Variants in FGFR1 observed in about 807,000 individuals in gnomAD.
FGFR1 encodes the protein fibroblast growth factor receptor 1.
FGFR1 carries 18 observed loss-of-function variants against 93.7 expected under a neutral mutation model. The ratio of observed to expected loss-of-function variants is 0.19; its 90% CI spans 0.13 to 0.28. The LOEUF (loss-of-function observed/expected upper bound fraction) is 0.28, where lower values mean the gene tolerates loss of function less well. Ranked by LOEUF, FGFR1 falls within the 10% of genes least tolerant of loss-of-function variation. The pLI, the probability that FGFR1 is intolerant of heterozygous loss-of-function variation, is 1.00. For missense variants in FGFR1, 731 were observed against 1,080.4 expected (o/e 0.68, Z 4.53); for synonymous variants, 448 against 429.3 (o/e 1.04, Z -0.54).
At chr8:38,460,949 A>C in intron 1 of FGFR1, 1 of 956,858 alleles carries the variant, frequency 1.0e-6, no homozygotes, top group Non-Finnish European at 1.6e-6. Context: ...GCTTCCTCCA[A>C]GACCCTGCAG....
At chr8:38,427,888 A>G (rs201204238) in intron 5 of FGFR1, 33 bp downstream of exon 5, 1 of 1,613,856 alleles carries the variant, frequency 6.2e-7, no homozygotes, top group Non-Finnish European at 8.5e-7. Flanking sequence ...CCCTGTTCCC[A>G]TTACTCTAAC....
At chr8:38,417,001 G>C (rs1037376446) in intron 12 of FGFR1, among the ~76,000 whole-genome samples, 4 of 152,160 alleles carry the variant, frequency 2.6e-5, no homozygotes, top group Non-Finnish European at 5.9e-5. Context: ...TGATCTTCCT[G>C]CCTCGGCCTC....
In FGFR1 at chr8:38,429,707, G is replaced by A. The variant is rs771522317; in HGVS notation, c.333C>T (p.Thr111=). Residue 111 remains threonine, a synonymous_variant, in exon 3 of 18, where the codon ACC becomes ACT. Coordinates refer to ENST00000447712, the MANE Select transcript of FGFR1 (RefSeq NM_023110.3). This position sits in a 1 kb window ranked among gnomAD's most constrained non-coding sequence, Gnocchi z 4.4. ...CVTSSPSGSD[T]TYFSVNVSDA... is the part of the protein sequence containing the mutation. The stretch of plus-strand genomic sequence containing the variant: ...CTGAAACATTGACGGAGAAGTAGGT[G>A]GTGTCACTGCCCGAGGGGCTGCTGG... 8.3e-6 allele frequency: 13 copies of A among 1,572,278 alleles called. No individual in the cohort carries two copies. In the South Asian group the frequency reaches 1.4e-4, roughly 17 times the overall value.
chr8:38,414,511 G>A (rs778561331), intron 15 of FGFR1, 48 bp downstream of exon 15: 6 of 1,604,084 alleles, frequency 3.7e-6, no homozygotes, highest in East Asian at 4.5e-5. Context: ...TACAGTGCTA[G>A]AAGCTCTCTA....
chr8:38,429,205 A>G lies in FGFR1; in HGVS notation c.358+477T>C, dbSNP rs188544424. The G allele has an allele frequency of 1.8e-5, 8 of 436,374 alleles. No individual in the cohort carries two copies. In the East Asian group the frequency reaches 4.2e-4, roughly 23 times the overall value. The allele number at this position is 436,374 out of a possible 1,614,324, so 27.0% of individuals were successfully genotyped here. A position where few individuals can be genotyped will look rare whatever the true frequency, so the allele number is the denominator to read the frequency against. ...CAAGTTCCCAAGTTCACAGAGCTCC[A>G]GGGCTCCCTGGCTGCCCTCGCACAG... On this transcript the variant is annotated intron_variant, in intron 3 of 17. Transcript: ENST00000447712. The surrounding 1 kb of genome is among the most constrained non-coding windows in gnomAD (Gnocchi z 4.4).
In FGFR1 at chr8:38,420,912, G is replaced by A. The variant is rs17182380; in HGVS notation, c.1081+885C>T. Among the ~76,000 whole-genome samples the A allele has an allele frequency of 1.4e-3, 206 of 152,342 alleles. 1 individual carries two copies. Among genetic ancestry groups the A allele is most frequent in the African/African-American group, 4.6e-3 (191 of 41,590 alleles). On this transcript the variant is annotated intron_variant, in intron 8 of 17. Coordinates refer to ENST00000447712, the MANE Select transcript of FGFR1 (RefSeq NM_023110.3). ...CTGATGTTGAGGAACGAAGACAACT[G>A]ATTGGGAGCACATGGGGAGCACGGA...
chr8:38,445,700 G>A (rs1267063480), intron 2 of FGFR1, among the ~76,000 whole-genome samples: 4 of 151,462 alleles, frequency 2.6e-5, no homozygotes, highest in African/African-American at 7.3e-5. Context: ...CATCACGCCC[G>A]GTTATTTTTT....
chr8:38,431,578 G>C (rs1434488927), intron 2 of FGFR1, among the ~76,000 whole-genome samples: 5 of 152,122 alleles, frequency 3.3e-5, no homozygotes, highest in Admixed American at 1.3e-4. Flanking sequence ...GCTTCCGCTA[G>C]AAACCTTAAA....
At chr8:38,463,255 C>A in intron 1 of FGFR1, 1 of 175,152 alleles carries the variant, frequency 5.7e-6, no homozygotes, top group Non-Finnish European at 1.2e-5. Flanking sequence ...AACATCCATG[C>A]CTCTGTGCAA....
At chr8:38,447,339 C>G (rs1023362848) in intron 2 of FGFR1, among the ~76,000 whole-genome samples, 3 of 152,118 alleles carry the variant, frequency 2.0e-5, no homozygotes, top group African/African-American at 7.2e-5. Flanking sequence ...TAGTTCCACC[C>G]CTCACCCACT....
intron 2 of FGFR1, among the ~76,000 whole-genome samples, chr8:38,453,004 A>G (rs1448269612): frequency 6.6e-6 from 1 of 152,194 alleles, no homozygotes; most frequent in Non-Finnish European, 1.5e-5. Flanking sequence ...ATTAAAAAAT[A>G]TCAGCATTAT....
Position 38,429,498 on chromosome 8 carries a change from C to A in FGFR1, c.358+184G>T. 1.3e-6 allele frequency: 1 copy of A among 751,862 alleles called. No homozygotes were observed. Among genetic ancestry groups the A allele is most frequent in the Non-Finnish European group, 2.3e-6 (1 of 437,784 alleles). 46.6% of individuals were successfully genotyped at this position (751,862 alleles called of 1,614,324 possible). A position where few individuals can be genotyped will look rare whatever the true frequency, so the allele number is the denominator to read the frequency against. Reference sequence around the variant, plus strand: ...TCTCCGGCCCTGGGGCCCACCCCACCTAGTCACCTCTCTGAGAGCCAAGCC... The same window carrying A: ...TCTCCGGCCCTGGGGCCCACCCCACATAGTCACCTCTCTGAGAGCCAAGCC... On this transcript the variant is annotated intron_variant, in intron 3 of 17. Transcript: ENST00000447712. The surrounding 1 kb of genome is among the most constrained non-coding windows in gnomAD (Gnocchi z 4.4).
At position 38,418,364 on chromosome 8, in the gene FGFR1, C is replaced by G. The variant is rs2150679369; in HGVS notation, c.1294G>C (p.Asp432His). 6.2e-7 allele frequency: 1 copy of G among 1,613,972 alleles called. No homozygotes were observed. Among genetic ancestry groups the G allele is most frequent in the Non-Finnish European group, 8.5e-7 (1 of 1,179,938 alleles). Reference protein sequence around the residue: ...PLRRQVTVSADSSASMNSGVL... With the variant: ...PLRRQVTVSAHSSASMNSGVL... Reference sequence around the variant, plus strand: ...CCAGAGTTCATGGATGCACTGGAGTCAGCAGACACCTGCAAGGAAGAGTGG... The same window carrying G: ...CCAGAGTTCATGGATGCACTGGAGTGAGCAGACACCTGCAAGGAAGAGTGG... Residue 432 changes from aspartate to histidine, a missense_variant, in exon 10 of 18, where the codon GAC becomes CAC. Asp to His is a moderately conservative substitution (Grantham distance 81, BLOSUM62 -1). Coordinates refer to ENST00000447712, the MANE Select transcript of FGFR1 (RefSeq NM_023110.3).
intron 2 of FGFR1, among the ~76,000 whole-genome samples, chr8:38,443,279 T>C (rs1227551348): frequency 6.6e-6 from 1 of 152,176 alleles, no homozygotes; most frequent in Non-Finnish European, 1.5e-5. Context: ...GCAATTACCA[T>C]GATTTGGTCG....
chr8:38,419,119 C>T (rs1331202782), intron 9 of FGFR1, among the ~76,000 whole-genome samples: 1 of 152,196 alleles, frequency 6.6e-6, no homozygotes, highest in Admixed American at 6.5e-5. Context: ...TCCATTAAAC[C>T]TCTTTCTTTT....
At chr8:38,459,427 A>C (rs555098985) in intron 1 of FGFR1, among the ~76,000 whole-genome samples, 1 of 152,358 alleles carries the variant, frequency 6.6e-6, no homozygotes, top group East Asian at 1.9e-4. Context: ...CCCAAGGCTT[A>C]CTAAAATGTT....
chr8:38,451,917 G>T (rs531028795), intron 2 of FGFR1, among the ~76,000 whole-genome samples: 12 of 152,116 alleles, frequency 7.9e-5, no homozygotes, highest in African/African-American at 1.7e-4. Context: ...GAATGTTGGG[G>T]CTTATCATCT....
intron 3 of FGFR1, 138 bp from the exon 4 acceptor site, chr8:38,428,573 G>T: frequency 1.4e-6 from 1 of 714,136 alleles, no homozygotes; most frequent in Non-Finnish European, 2.5e-6. Flanking sequence ...ATGATCTCTT[G>T]GTGGGATGGA....
At chr8:38,440,551 C>A (rs948674464) in intron 2 of FGFR1, among the ~76,000 whole-genome samples, 1 of 151,042 alleles carries the variant, frequency 6.6e-6, no homozygotes, top group African/African-American at 2.4e-5. Flanking sequence ...ACCAGCCCCC[C>A]GACCCAGGGG....
Sources: gnomAD v4.1 joint callset for allele counts (sites outside exome capture counted in the v4.1 genomes callset) on GRCh38, gnomAD v4.1.1 for gene constraint, Gnocchi (gnomAD v3.1) non-coding constraint, MANE v1.5 for transcripts, NCBI Gene and HGNC (gene_info 2026-07-23, HGNC 2026-07-21) for gene names.